ADGRV1: variants seen among roughly 807,000 people sequenced by gnomAD.
ADGRV1 encodes the protein G-protein coupled receptor 98.
In ADGRV1, 359 loss-of-function variants were observed where a neutral mutation model predicts 596.2. The ratio of observed to expected loss-of-function variants is 0.60; its 90% CI spans 0.55 to 0.66. ADGRV1 has a LOEUF of 0.66. Among genes scored for constraint, ADGRV1 ranks in the 30% least tolerant of loss-of-function variants. ADGRV1 has a pLI of 0.00. For synonymous variants in ADGRV1, 2,681 were observed against 2,679.2 expected (o/e 1.00, Z -0.02); for missense variants, 7,274 against 7,575.6 (o/e 0.96, Z 1.48).
intron 84 of ADGRV1, among the ~76,000 whole-genome samples, chr5:90,979,087 A>G (rs1779870323): frequency 6.6e-6 from 1 of 152,132 alleles, no homozygotes; most frequent in Non-Finnish European, 1.5e-5. Flanking sequence ...CTCCACTGGC[A>G]TTTAAAGTGA....
intron 89 of ADGRV1, among the ~76,000 whole-genome samples, chr5:91,155,240 A>G (rs1264352145): frequency 6.6e-6 from 1 of 152,252 alleles, no homozygotes; most frequent in Non-Finnish European, 1.5e-5. Flanking sequence ...AAAATTCTCT[A>G]TTAATTCTTG....
intron 50 of ADGRV1, among the ~76,000 whole-genome samples, chr5:90,740,028 G>A (rs891923162): frequency 3.3e-5 from 5 of 152,124 alleles, no homozygotes; most frequent in African/African-American, 1.2e-4. Context: ...GCTGAGTCTG[G>A]GCAGGACTAG....
chr5:90,633,398 T>TA (rs34459046), intron 9 of ADGRV1, among the ~76,000 whole-genome samples: 115,046 of 151,852 alleles, frequency 0.76, 44,434 homozygotes, highest in African/African-American at 0.91. Flanking sequence ...TGTGTAAAAA[T>TA]TATTGTTTTT....
Position 90,558,868 on chromosome 5 carries a change from G to C in ADGRV1, c.-28G>C. On this transcript the variant is annotated 5_prime_UTR_variant, in exon 1 of 90. Coordinates refer to ENST00000405460, the MANE Select transcript of ADGRV1 (RefSeq NM_032119.4). ...GAGGCAGAGCGAGGGTGTGTGGAGG[G>C]CCGGCGGGGACCGCCGGGAGCGCGC... is the stretch of plus-strand genomic sequence containing the variant. The C allele has an allele frequency of 1.3e-6, 2 of 1,560,194 alleles. No individual in the cohort carries two copies. Among genetic ancestry groups the C allele is most frequent in the Non-Finnish European group, 1.7e-6 (2 of 1,151,200 alleles).
intron 38 of ADGRV1, among the ~76,000 whole-genome samples, chr5:90,708,492 A>G (rs561286501): frequency 1.3e-5 from 2 of 151,870 alleles, no homozygotes; most frequent in African/African-American, 4.8e-5. Flanking sequence ...ATATTAAGGT[A>G]ATTTCAAATG....
chr5:90,737,945 ACT>A (rs202160020), intron 50 of ADGRV1, among the ~76,000 whole-genome samples: 1,831 of 151,916 alleles, frequency 0.012, 15 homozygotes, highest in Middle Eastern at 0.061. Flanking sequence ...ATAGGAGCAG[ACT>A]TGCTACTGCC....
intron 71 of ADGRV1, among the ~76,000 whole-genome samples, chr5:90,804,619 A>G (rs1044871494): frequency 1.3e-5 from 2 of 152,214 alleles, no homozygotes; most frequent in Admixed American, 1.3e-4. Context: ...ATTTATAGCT[A>G]TTGAGACCAA....
chr5:90,564,731 A>G (rs1369044125), intron 1 of ADGRV1, among the ~76,000 whole-genome samples: 1 of 56,712 alleles, frequency 1.8e-5, no homozygotes. Flanking sequence ...GGTTCACGCC[A>G]TTCTCCTGCC....
At chr5:90,822,852 G>T (rs1308663323) in intron 75 of ADGRV1, among the ~76,000 whole-genome samples, 1 of 152,118 alleles carries the variant, frequency 6.6e-6, no homozygotes, top group Non-Finnish European at 1.5e-5. Flanking sequence ...CACATCCCTT[G>T]TAAGTTGGAT....
chr5:90,709,912 T>C (rs1749112795), intron 39 of ADGRV1, among the ~76,000 whole-genome samples: 1 of 152,250 alleles, frequency 6.6e-6, no homozygotes, highest in African/African-American at 2.4e-5. Flanking sequence ...AAGTGCTTTG[T>C]AGATTAGTAA....
intron 70 of ADGRV1, among the ~76,000 whole-genome samples, chr5:90,793,716 A>G (rs1159387250): frequency 2.0e-5 from 3 of 152,196 alleles, no homozygotes. Context: ...ATGAATTATC[A>G]TTTATGAATT....
At chr5:90,614,771 A>G (rs1343019388) in intron 1 of ADGRV1, 64 bp from the exon 2 acceptor site, 2 of 1,179,396 alleles carry the variant, frequency 1.7e-6, no homozygotes, top group East Asian at 2.6e-5. Flanking sequence ...TCTATAGACA[A>G]TACAATCTAA....
chr5:90,649,708 A>G (rs1320970691), intron 17 of ADGRV1, among the ~76,000 whole-genome samples: 2 of 152,062 alleles, frequency 1.3e-5, no homozygotes, highest in African/African-American at 4.8e-5. Context: ...AGGCTGGTCT[A>G]GAACTCCTGA....
At chr5:90,999,802 C>G (rs1430822369) in intron 85 of ADGRV1, among the ~76,000 whole-genome samples, 1 of 152,042 alleles carries the variant, frequency 6.6e-6, no homozygotes, top group Non-Finnish European at 1.5e-5. Flanking sequence ...AGAGGAAGTT[C>G]TGTTGTAGAT....
rs115343866 is a variant in ADGRV1 at position 90,828,676 on chromosome 5, C to T, written c.16369-268C>T. Among the ~76,000 whole-genome samples, 537 of 152,006 alleles carry T rather than the reference C, an allele frequency of 3.5e-3. 4 individuals carry two copies. The highest frequency in any genetic ancestry group is 0.012 in the African/African-American group (514 of 41,478). ...ACATTTAATTTATTTTTTTGCTGAT[C>T]GTAGTAAACATAGGTTGTTTCCTGA... On this transcript the variant is annotated intron_variant, in intron 76 of 89. Coordinates refer to ENST00000405460, the MANE Select transcript of ADGRV1 (RefSeq NM_032119.4).
chr5:90,820,589 G>C (rs1447160815), intron 75 of ADGRV1, among the ~76,000 whole-genome samples: 1 of 151,460 alleles, frequency 6.6e-6, no homozygotes, highest in African/African-American at 2.4e-5. Flanking sequence ...CTTGCTTCAG[G>C]AGCTCTTTTA....
intron 87 of ADGRV1, among the ~76,000 whole-genome samples, chr5:91,108,785 C>A (rs1458755331): frequency 6.6e-6 from 1 of 151,920 alleles, no homozygotes; most frequent in Non-Finnish European, 1.5e-5. Flanking sequence ...TTTGTAGAGA[C>A]AAGGTTTCAC....
At chr5:90,693,137 G>GTTTTTTTTTCCT (rs1554084651) in intron 32 of ADGRV1, among the ~76,000 whole-genome samples, 15 of 131,810 alleles carry the variant, frequency 1.1e-4, no homozygotes, top group Admixed American at 9.1e-4. Context: ...TTCCAGGTCT[G>GTTTTTTTTTCCT]TTTTTTTTTT....
At chr5:91,023,580 T>C (rs1176902718) in intron 85 of ADGRV1, among the ~76,000 whole-genome samples, 1 of 152,138 alleles carries the variant, frequency 6.6e-6, no homozygotes, top group East Asian at 1.9e-4. Context: ...GGAAATTCTC[T>C]CTAGTATCAG....
Sources: gnomAD v4.1 joint callset for allele counts (sites outside exome capture counted in the v4.1 genomes callset) on GRCh38, gnomAD v4.1.1 for gene constraint, MANE v1.5 for transcripts, NCBI Gene and HGNC (gene_info 2026-07-23, HGNC 2026-07-21) for gene names.